ANK2: variants seen among roughly 807,000 people sequenced by gnomAD.
ANK2 encodes the protein ankyrin-2.
Under a neutral mutation model 360.5 loss-of-function variants are expected in ANK2, and 83 were observed. The observed-to-expected ratio is 0.23, with a 90% CI of 0.19 to 0.28. The LOEUF (loss-of-function observed/expected upper bound fraction) is 0.28. Ranked by LOEUF, ANK2 falls within the 10% of genes least tolerant of loss-of-function variation. The pLI is 1.00. For synonymous variants in ANK2, 1,740 were observed against 1,759.5 expected (o/e 0.99, Z 0.28); for missense variants, 4,201 against 4,795.7 (o/e 0.88, Z 3.66).
At chr4:113,099,509 C>T (rs919577121) in intron 1 of ANK2, among the ~76,000 whole-genome samples, 1 of 151,836 alleles carries the variant, frequency 6.6e-6, no homozygotes, top group Non-Finnish European at 1.5e-5. Flanking sequence ...ATAAATATTC[C>T]ATGTTCATAG....
intron 4 of ANK2, among the ~76,000 whole-genome samples, chr4:113,221,353 A>T (rs995874537): frequency 6.6e-6 from 1 of 152,154 alleles, no homozygotes; most frequent in Non-Finnish European, 1.5e-5. Context: ...ATGTTCAGTT[A>T]TTGTCTATGA....
Position 113,242,209 on chromosome 4 carries a change from GGTGA to G in ANK2, c.891+4_891+7del. The G allele has an allele frequency of 6.2e-7, 1 of 1,611,594 alleles. No individual in the cohort carries two copies. Among genetic ancestry groups the G allele is most frequent in the Non-Finnish European group, 8.5e-7 (1 of 1,177,862 alleles). On this transcript the variant is annotated splice_donor_variant and splice_donor_region_variant and intron_variant, in intron 9 of 45. Coordinates refer to ENST00000357077, the MANE Select transcript of ANK2 (RefSeq NM_001148.6). LOFTEE classifies it high-confidence loss of function. ...GCGGTCAGATCGATGCCAAAACTAGGGTGAGTGTCTCTGTTCTTTCAATTTTCTA... is the reference window on the plus strand; with the variant it reads ...GCGGTCAGATCGATGCCAAAACTAGGGTGTCTCTGTTCTTTCAATTTTCTA...
At chr4:112,721,385 C>CA in the ANK2 span, among the ~76,000 whole-genome samples, 1 of 151,498 alleles carries the variant, frequency 6.6e-6, no homozygotes. Context: ...ACTAAAAATA[C>CA]AAAAAAATTA....
At chr4:113,057,743 AT>A in intron 1 of ANK2, among the ~76,000 whole-genome samples, 1 of 152,236 alleles carries the variant, frequency 6.6e-6, no homozygotes. Context: ...AGTAGGGACA[AT>A]TTTTGAAAGT....
intron 1 of ANK2, among the ~76,000 whole-genome samples, chr4:112,833,588 C>G (rs1355315636): frequency 6.6e-6 from 1 of 151,714 alleles, no homozygotes; most frequent in Non-Finnish European, 1.5e-5. Flanking sequence ...ACTGCAAGCT[C>G]CGCCTCCCGG....
chr4:113,189,246 C>T (rs1390550959), intron 2 of ANK2, among the ~76,000 whole-genome samples: 1 of 152,028 alleles, frequency 6.6e-6, no homozygotes, highest in African/African-American at 2.4e-5. Flanking sequence ...AAACAGAGTA[C>T]CAGGGTGTTA....
At chr4:113,136,252 T>C (rs2096401860) in intron 1 of ANK2, among the ~76,000 whole-genome samples, 1 of 152,190 alleles carries the variant, frequency 6.6e-6, no homozygotes, top group African/African-American at 2.4e-5. Flanking sequence ...TGGCTCTGTG[T>C]CCACAGCAGG....
rs2095746908 is a variant in ANK2 at position 113,356,058 on chromosome 4, T to A, written c.7440T>A (p.Ala2480=). 3 of 1,613,952 alleles carry A rather than the reference T, an allele frequency of 1.9e-6. No homozygotes were observed. The South Asian group carries it at 3.3e-5, about 18-fold the overall frequency. The stretch of plus-strand genomic sequence containing the variant: ...GCCCTGTTGAACCAAAGATGAAGGC[T>A]GGAATTTTTCCAAGTCACTTTCCTC... The part of the protein sequence containing the change: ...ESSPVEPKMK[A]GIFPSHFPLP... The change falls in exon 38 of 46, where the codon GCT becomes GCA. Residue 2480 remains alanine (A), a synonymous_variant. Transcript: ENST00000357077.
chr4:113,181,672 G>T (rs954214649), intron 2 of ANK2, among the ~76,000 whole-genome samples: 9 of 152,144 alleles, frequency 5.9e-5, no homozygotes, highest in Non-Finnish European at 1.3e-4. Flanking sequence ...AAAACCTAAA[G>T]AAATTGAGCA....
intron 1 of ANK2, among the ~76,000 whole-genome samples, chr4:113,095,624 G>A (rs78124503): frequency 0.11 from 16,379 of 152,078 alleles, 1,030 homozygotes; most frequent in African/African-American, 0.17. Context: ...TAGATTATGA[G>A]GATTGGGGGA....
At chr4:112,995,866 C>A (rs1399752575) in intron 2 of ANK2, among the ~76,000 whole-genome samples, 1 of 152,086 alleles carries the variant, frequency 6.6e-6, no homozygotes, top group Admixed American at 6.6e-5. Context: ...ATTCCAAATT[C>A]TTTGGAACTC....
chr4:112,832,346 C>A (rs948318219), intron 1 of ANK2, among the ~76,000 whole-genome samples: 1 of 152,222 alleles, frequency 6.6e-6, no homozygotes, highest in African/African-American at 2.4e-5. Flanking sequence ...AGCCACAGTA[C>A]CGGGCCTGTA....
chr4:113,201,321 A>G (rs577524254), intron 4 of ANK2, among the ~76,000 whole-genome samples: 140 of 152,226 alleles, frequency 9.2e-4, no homozygotes, highest in African/African-American at 3.2e-3. Flanking sequence ...GCTCCTCCCC[A>G]GGGTTTCTGA....
chr4:112,931,567 G>C (rs2093248692), intron 2 of ANK2, among the ~76,000 whole-genome samples: 1 of 150,810 alleles, frequency 6.6e-6, no homozygotes, highest in African/African-American at 2.4e-5. Flanking sequence ...CTCCCGAGTA[G>C]CTGGAATTCC....
chr4:112,958,754 A>G (rs2032847974), intron 2 of ANK2, among the ~76,000 whole-genome samples: 1 of 152,216 alleles, frequency 6.6e-6, no homozygotes. Flanking sequence ...TTATTAAGAT[A>G]TGGACCAAAT....
intron 2 of ANK2, among the ~76,000 whole-genome samples, chr4:112,966,802 A>G (rs2037459448): frequency 6.6e-6 from 1 of 152,212 alleles, no homozygotes; most frequent in Non-Finnish European, 1.5e-5. Flanking sequence ...ATGATGTTTG[A>G]TTGACAATGC....
At chr4:113,322,147 G>A (rs1366342567) in intron 26 of ANK2, among the ~76,000 whole-genome samples, 1 of 152,118 alleles carries the variant, frequency 6.6e-6, no homozygotes, top group Non-Finnish European at 1.5e-5. Context: ...ATTAATAGAA[G>A]ACACCGTTTC....
chr4:112,954,329 C>T (rs1364609214), intron 2 of ANK2, among the ~76,000 whole-genome samples: 3 of 151,228 alleles, frequency 2.0e-5, no homozygotes, highest in African/African-American at 7.3e-5. Context: ...GTTAGCAGGG[C>T]AAAAAGCTCT....
intron 1 of ANK2, among the ~76,000 whole-genome samples, chr4:112,829,192 T>G (rs924883472): frequency 2.6e-5 from 4 of 152,100 alleles, no homozygotes; most frequent in Admixed American, 2.6e-4. Flanking sequence ...AATGAATGAA[T>G]AAAATGCAGT....
Sources: allele counts gnomAD v4.1 joint callset (sites outside exome capture counted in the v4.1 genomes callset), GRCh38; gene constraint gnomAD v4.1.1; transcripts MANE v1.5; gene names NCBI Gene and HGNC (gene_info 2026-07-23, HGNC 2026-07-21).